Variants in KCNN2 observed in about 807,000 individuals in gnomAD.
KCNN2 encodes the protein small conductance calcium-activated potassium channel protein 2.
In KCNN2, 24 loss-of-function variants were observed where a neutral mutation model predicts 55.5. The observed-to-expected ratio is 0.43, with a 90% CI of 0.31 to 0.61. The LOEUF is 0.61. Ranked by LOEUF, KCNN2 falls within the 20% of genes least tolerant of loss-of-function variation. KCNN2 has a pLI of 0.08. For synonymous variants in KCNN2, 431 were observed against 336.1 expected (o/e 1.28, Z -3.09); for missense variants, 754 against 853.6 (o/e 0.88, Z 1.45).
chr5:114,120,497 C>T (rs1751805558), intron 1 of KCNN2, among the ~76,000 whole-genome samples: 1 of 152,178 alleles, frequency 6.6e-6, no homozygotes, highest in Non-Finnish European at 1.5e-5. Flanking sequence ...GCTAAATGAA[C>T]TCTCGAGCCA....
At chr5:114,410,405 TTTTG>T (rs1311832074) in intron 3 of KCNN2, among the ~76,000 whole-genome samples, 1 of 151,826 alleles carries the variant, frequency 6.6e-6, no homozygotes, top group Admixed American at 6.6e-5. Context: ...AAGAAAGGAG[TTTTG>T]TTTCTTTTTC....
In KCNN2 at chr5:114,260,448, C is replaced by T. The variant is rs531530666; in HGVS notation, c.-185+38883C>T. Among the ~76,000 whole-genome samples the T allele has an allele frequency of 7.9e-5, 12 of 152,266 alleles. No individual in the cohort carries two copies. The South Asian group carries it at 2.1e-3, about 26-fold the overall frequency. The stretch of plus-strand genomic sequence containing the variant: ...CATATTTTTACTTCTTCTTATCAAT[C>T]AGGTCCAAGTCAGTATCTACAGTTA... On this transcript the variant is annotated intron_variant, in intron 2 of 10. Transcript: ENST00000512097.
At chr5:114,094,932 AT>A (rs1238602440) in intron 1 of KCNN2, among the ~76,000 whole-genome samples, 1 of 152,036 alleles carries the variant, frequency 6.6e-6, no homozygotes, top group African/African-American at 2.4e-5. Flanking sequence ...TCTATTATAT[AT>A]TTTTATATGA....
chr5:114,367,892 C>T (rs1237119144), intron 2 of KCNN2, among the ~76,000 whole-genome samples: 1 of 152,042 alleles, frequency 6.6e-6, no homozygotes, highest in Non-Finnish European at 1.5e-5. Flanking sequence ...GACAGAAAAC[C>T]CCTTGGACTA....
chr5:114,110,282 C>T (rs1751571139), intron 1 of KCNN2, among the ~76,000 whole-genome samples: 1 of 151,324 alleles, frequency 6.6e-6, no homozygotes, highest in Admixed American at 6.6e-5. Flanking sequence ...GGGTCTAAGA[C>T]ATAACCATGG....
At chr5:114,112,900 A>G (rs1473349828) in intron 1 of KCNN2, among the ~76,000 whole-genome samples, 2 of 152,118 alleles carry the variant, frequency 1.3e-5, no homozygotes, top group East Asian at 1.9e-4. Flanking sequence ...TTCAGAGAAT[A>G]TAATTCCTCT....
chr5:114,093,129 A>G (rs149871446), intron 1 of KCNN2, among the ~76,000 whole-genome samples: 1,583 of 152,188 alleles, frequency 0.01, 36 homozygotes, highest in African/African-American at 0.036. Context: ...ATTTCAGATC[A>G]TCTCTCTCAA....
At chr5:114,146,765 A>G (rs1580556596) in intron 1 of KCNN2, among the ~76,000 whole-genome samples, 1 of 152,190 alleles carries the variant, frequency 6.6e-6, no homozygotes, top group Admixed American at 6.5e-5. Context: ...AAGCATTAGT[A>G]TGAATGAGTT....
intron 2 of KCNN2, among the ~76,000 whole-genome samples, chr5:114,259,277 C>T (rs866000935): frequency 3.3e-5 from 5 of 152,208 alleles, no homozygotes; most frequent in African/African-American, 1.2e-4. Context: ...AAGAGCTGGA[C>T]CACTCAGAAC....
chr5:114,117,442 G>T (rs919056459), intron 1 of KCNN2, among the ~76,000 whole-genome samples: 1 of 152,178 alleles, frequency 6.6e-6, no homozygotes, highest in Non-Finnish European at 1.5e-5. Context: ...TGTCTGAGGG[G>T]CCACCTGGGA....
intron 1 of KCNN2, among the ~76,000 whole-genome samples, chr5:114,201,363 C>T (rs1370805131): frequency 4.6e-5 from 7 of 152,022 alleles, no homozygotes; most frequent in African/African-American, 1.7e-4. Context: ...CAAACATGGT[C>T]CAAGAGTGGG....
At chr5:114,204,691 G>A (rs755102235) in intron 1 of KCNN2, among the ~76,000 whole-genome samples, 8 of 152,290 alleles carry the variant, frequency 5.3e-5, no homozygotes, top group Middle Eastern at 3.4e-3. Flanking sequence ...GGAAATGGCC[G>A]TGTCACATTA....
At chr5:114,467,174 G>A (rs1204137845) in intron 4 of KCNN2, among the ~76,000 whole-genome samples, 1 of 152,128 alleles carries the variant, frequency 6.6e-6, no homozygotes, top group African/African-American at 2.4e-5. Context: ...ACACTACCCT[G>A]TTAAGTCGCT....
At chr5:114,433,110 G>C (rs973022914) in intron 3 of KCNN2, among the ~76,000 whole-genome samples, 5 of 152,222 alleles carry the variant, frequency 3.3e-5, no homozygotes, top group Non-Finnish European at 7.3e-5. Flanking sequence ...TGCAGCCCCT[G>C]TGCAGGATCC....
chr5:114,447,792 A>G (rs1158509541), intron 3 of KCNN2, among the ~76,000 whole-genome samples: 2 of 152,244 alleles, frequency 1.3e-5, no homozygotes, highest in Non-Finnish European at 2.9e-5. Context: ...TGATGAGCTG[A>G]GTATGTACCA....
chr5:114,218,741 G>C (rs1478670596), intron 1 of KCNN2, among the ~76,000 whole-genome samples: 1 of 152,200 alleles, frequency 6.6e-6, no homozygotes, highest in African/African-American at 2.4e-5. Flanking sequence ...GGGTGATAAT[G>C]ATGTTTCAGT....
intron 2 of KCNN2, among the ~76,000 whole-genome samples, chr5:114,238,626 CA>C (rs36125313): frequency 0.16 from 17,413 of 111,122 alleles, 1,040 homozygotes; most frequent in Middle Eastern, 0.3. Context: ...ACTCCGTCTC[CA>C]AAAAAAAAAA....
At chr5:114,386,094 A>G (rs1028096786) in intron 2 of KCNN2, among the ~76,000 whole-genome samples, 5 of 151,312 alleles carry the variant, frequency 3.3e-5, no homozygotes, top group Admixed American at 2.0e-4. Context: ...AGGCAGAAGA[A>G]TGGCGTGAAC....
At chr5:114,106,629 A>AGGATTTTCC (rs1751487954) in intron 1 of KCNN2, among the ~76,000 whole-genome samples, 1 of 134,606 alleles carries the variant, frequency 7.4e-6, no homozygotes, top group East Asian at 2.1e-4. Context: ...AATGGCACTG[A>AGGATTTTCC]GGATTTTCCA....
Sources: gnomAD v4.1 joint callset for allele counts (sites outside exome capture counted in the v4.1 genomes callset) on GRCh38, gnomAD v4.1.1 for gene constraint, MANE v1.5 for transcripts, NCBI Gene and HGNC (gene_info 2026-07-23, HGNC 2026-07-21) for gene names.